LRRK1: variants seen among roughly 807,000 people sequenced by gnomAD.
The protein encoded by LRRK1 is leucine-rich repeat serine/threonine-protein kinase 1.
Under a neutral mutation model 209.1 loss-of-function variants are expected in LRRK1, and 113 were observed. The observed-to-expected ratio is 0.54, with a 90% CI of 0.46 to 0.63. The LOEUF is 0.63. Among genes scored for constraint, LRRK1 ranks in the 30% least tolerant of loss-of-function variants. LRRK1 has a pLI of 0.00. For synonymous variants in LRRK1, 1,144 were observed against 1,099.7 expected, an observed-to-expected ratio of 1.04 and a Z score of -0.80; for missense variants, 2,284 against 2,632.2, an observed-to-expected ratio of 0.87 and a Z score of 2.89.
chr15:100,990,576 A>C (rs1426567054), intron 6 of LRRK1, among the ~76,000 whole-genome samples: 1 of 152,134 alleles, frequency 6.6e-6, no homozygotes, highest in African/African-American at 2.4e-5. Flanking sequence ...GCTTATTTTA[A>C]TTTCCATGTT....
At chr15:100,953,228 C>T (rs1036822356) in intron 2 of LRRK1, among the ~76,000 whole-genome samples, 4 of 152,080 alleles carry the variant, frequency 2.6e-5, no homozygotes, top group African/African-American at 7.2e-5. Flanking sequence ...ATTAGATCCC[C>T]GAACTTACTC....
intron 33 of LRRK1, chr15:101,067,420 AATGTGT>A (rs1195361378): frequency 1.4e-5 from 5 of 346,934 alleles, no homozygotes; most frequent in African/African-American, 3.1e-5. Context: ...CCTCAGTTCA[AATGTGT>A]GTGTGTGTGT....
intron 29 of LRRK1, among the ~76,000 whole-genome samples, chr15:101,059,913 A>C (rs569352787): frequency 6.6e-6 from 1 of 152,250 alleles, no homozygotes; most frequent in East Asian, 1.9e-4. Context: ...TCTGAGGGTG[A>C]ATTGGAGGAC....
Position 101,074,659 on chromosome 15 carries a change from T to C in LRRK1, c.*5811T>C, listed in dbSNP as rs1423718641. On this transcript the variant is annotated 3_prime_UTR_variant, in exon 34 of 34. Transcript: ENST00000388948. ...ACAACAGGATTTAATTAACCTTGCC[T>C]TCAAGGTGTACAATAATAGAAAAAA... 2 of 152,166 alleles carry C rather than the reference T, an allele frequency of 1.3e-5. No homozygotes were observed. Among genetic ancestry groups the C allele is most frequent in the African/African-American group, 2.4e-5 (1 of 41,428 alleles). 9.4% of individuals were successfully genotyped at this position (152,166 alleles called of 1,614,324 possible).
rs1236662846 is a variant in LRRK1 at position 101,029,110 on chromosome 15, G to C, written c.2841G>C (p.Gly947=). Residue 947 remains glycine (G), a synonymous_variant, in exon 20 of 34, where the codon GGG becomes GGC. Coordinates refer to ENST00000388948, the MANE Select transcript of LRRK1 (RefSeq NM_024652.6). ...GCTCTCGGTCAGTGGCCAAGAATGG[G>C]GTGATCAGAGCAGAAGACCTCAGGA... ...IKGSRSVAKN[G]VIRAEDLRML... 2 of 1,614,196 alleles carry C rather than the reference G, an allele frequency of 1.2e-6. No homozygotes were observed. The highest frequency in any genetic ancestry group is 1.6e-4 in the Middle Eastern group (1 of 6,062).
At chr15:101,017,724 T>C (rs1256135717) in intron 12 of LRRK1, among the ~76,000 whole-genome samples, 1 of 151,912 alleles carries the variant, frequency 6.6e-6, no homozygotes, top group Non-Finnish European at 1.5e-5. Flanking sequence ...CATGGAAAAA[T>C]TGTCTTCCAC....
chr15:100,973,503 G>C (rs1032908601), intron 2 of LRRK1, among the ~76,000 whole-genome samples: 1 of 152,190 alleles, frequency 6.6e-6, no homozygotes, highest in Admixed American at 6.5e-5. Flanking sequence ...CGGCGAGGTC[G>C]GCCCGGCCGC....
rs145246938 is a variant in LRRK1, at chr15:101,072,523, C to T, written c.*3675C>T. The T allele has an allele frequency of 2.0e-5, 3 of 152,324 alleles. No homozygotes were observed. Among genetic ancestry groups the T allele is most frequent in the African/African-American group, 7.2e-5 (3 of 41,458 alleles). 9.4% of individuals were successfully genotyped at this position (152,324 alleles called of 1,614,324 possible). A position where few individuals can be genotyped will look rare whatever the true frequency, so the allele number is the denominator to read the frequency against. On this transcript the variant is annotated 3_prime_UTR_variant, in exon 34 of 34. Coordinates refer to ENST00000388948, the MANE Select transcript of LRRK1 (RefSeq NM_024652.6). ...GAGCCCAAGCCAAGCCATCGCATCC[C>T]CTGTGACTTGCACGTATATGCCTAG...
chr15:101,037,452 C>G (rs909841904), intron 20 of LRRK1, among the ~76,000 whole-genome samples: 1 of 152,128 alleles, frequency 6.6e-6, no homozygotes, highest in African/African-American at 2.4e-5. Flanking sequence ...GGACATGAAG[C>G]CAGGTCAGGT....
chr15:100,938,413 A>T (rs939153371), intron 2 of LRRK1, among the ~76,000 whole-genome samples: 1 of 151,744 alleles, frequency 6.6e-6, no homozygotes, highest in African/African-American at 2.4e-5. Flanking sequence ...CACCGCAAAC[A>T]TTTTTCATTT....
At chr15:100,956,086 T>A (rs2042751264) in intron 2 of LRRK1, among the ~76,000 whole-genome samples, 1 of 152,232 alleles carries the variant, frequency 6.6e-6, no homozygotes, top group Non-Finnish European at 1.5e-5. Context: ...AAACGTTTGG[T>A]AGAATTCACC....
intron 24 of LRRK1, 135 bp downstream of exon 24, chr15:101,052,095 C>A: frequency 9.7e-7 from 1 of 1,031,374 alleles, no homozygotes; most frequent in Non-Finnish European, 1.4e-6. Context: ...CCACCAATCT[C>A]AGTACCTTTT....
intron 6 of LRRK1, among the ~76,000 whole-genome samples, chr15:101,004,296 C>A (rs113918588): frequency 6.6e-6 from 1 of 152,162 alleles, no homozygotes; most frequent in Non-Finnish European, 1.5e-5. Context: ...GGGGGGCTGT[C>A]AGGCTGCAAA....
intron 30 of LRRK1, among the ~76,000 whole-genome samples, 172 bp downstream of exon 30, chr15:101,061,460 G>A (rs1316241382): frequency 6.6e-6 from 1 of 152,264 alleles, no homozygotes; most frequent in African/African-American, 2.4e-5. Flanking sequence ...CCGAGAAGTA[G>A]CAGCCTGTCA....
intron 13 of LRRK1, 35 bp from the exon 14 acceptor site, chr15:101,021,809 TG>T: frequency 2.4e-6 from 2 of 824,172 alleles, no homozygotes; most frequent in Admixed American, 2.5e-5. Context: ...TGTGTGTGTG[TG>T]TGTATTCTCT....
rs187026466 is a variant in LRRK1 at position 101,050,509 on chromosome 15, A to G, written c.3439+726A>G. Among the ~76,000 whole-genome samples, 542 of 151,528 alleles carry G rather than the reference A, an allele frequency of 3.6e-3. 2 individuals are homozygous for G. The highest frequency in any genetic ancestry group is 0.012 in the African/African-American group (509 of 41,036). On this transcript the variant is annotated intron_variant, in intron 23 of 33. Transcript: ENST00000388948. ...GCTGGAGGCCAAGCAGCTGTGGGAC[A>G]GGCTGCCCGAGAGCCTCAGCCCCTG...
intron 20 of LRRK1, 77 bp downstream of exon 20, chr15:101,029,309 G>C: frequency 7.1e-7 from 1 of 1,415,018 alleles, no homozygotes. Flanking sequence ...AGCCACTGGT[G>C]GCCTGAACAA....
chr15:101,059,113 G>A (rs1210544565), intron 29 of LRRK1, among the ~76,000 whole-genome samples: 1 of 152,206 alleles, frequency 6.6e-6, no homozygotes, highest in Non-Finnish European at 1.5e-5. Flanking sequence ...TTTCTGACCA[G>A]GCCTTGTGGC....
intron 27 of LRRK1, among the ~76,000 whole-genome samples, chr15:101,056,036 A>G (rs368466526): frequency 4.6e-5 from 7 of 152,382 alleles, no homozygotes; most frequent in African/African-American, 1.7e-4. Flanking sequence ...TAAGAGCTTC[A>G]TAATAGTAGC....
Sources: gnomAD v4.1 joint callset for allele counts (sites outside exome capture counted in the v4.1 genomes callset) on GRCh38, gnomAD v4.1.1 for gene constraint, MANE v1.5 for transcripts, NCBI Gene and HGNC (gene_info 2026-07-23, HGNC 2026-07-21) for gene names.